The following FAM193A variants were observed in gnomAD, a reference collection of about 807,000 sequenced individuals.
FAM193A encodes family with sequence similarity 193 member A, also known as protein FAM193A.
Under a neutral mutation model 126.5 loss-of-function variants are expected in FAM193A, and 22 were observed. That is an observed-to-expected ratio of 0.17 (90% CI 0.12 to 0.25). The LOEUF (loss-of-function observed/expected upper bound fraction) is 0.25, where lower values mean the gene tolerates loss of function less well. FAM193A is among the 10% of genes least tolerant of loss of function. The probability of loss-of-function intolerance (pLI) is 1.00; values close to 1 mark genes in which losing one functional copy is unlikely to be tolerated. For synonymous variants in FAM193A, 761 were observed against 646.8 expected, an observed-to-expected ratio of 1.18 and a Z score of -2.68; for missense variants, 1,675 against 1,672.8, an observed-to-expected ratio of 1.00 and a Z score of -0.02.
chr4:2,689,646 A>G lies in FAM193A; in HGVS notation c.2472A>G (p.Ser824=), dbSNP rs777318140. 6 of 1,576,164 alleles carry G rather than the reference A, an allele frequency of 3.8e-6. No homozygotes were observed. In the South Asian group the frequency reaches 7.2e-5, roughly 19 times the overall value. Residue 824 remains serine, a synonymous_variant, in exon 14 of 21, where the codon TCA becomes TCG. Coordinates refer to ENST00000637812, the MANE Select transcript of FAM193A (RefSeq NM_001366318.2). ...CTAAATTTATAAGTCTTTGGGGATC[A>G]GAAGTGATGAATGATAAGAACTGGA... ...NSSKFISLWG[S]EVMNDKNWNP...
chr4:2,677,422 TTTTG>T (rs1360345770), intron 13 of FAM193A, among the ~76,000 whole-genome samples: 4 of 151,240 alleles, frequency 2.6e-5, no homozygotes, highest in African/African-American at 4.9e-5. Flanking sequence ...TTTTGTTTTG[TTTTG>T]TTTTTGTTTT....
chr4:2,548,227 A>G (rs773723189), intron 1 of FAM193A, among the ~76,000 whole-genome samples: 6 of 149,974 alleles, frequency 4.0e-5, no homozygotes, highest in South Asian at 2.1e-4. Context: ...GCCTTCCACC[A>G]TGCCTGACTA....
chr4:2,541,378 C>A lies in FAM193A; in HGVS notation c.255+4208C>A, dbSNP rs143505388. ...CAAAATATTTTAATACTTTTCTGAT[C>A]TTTTCTGTTCCATGTAATCTCATTA... On this transcript the variant is annotated intron_variant, in intron 1 of 20. Coordinates refer to ENST00000637812, the MANE Select transcript of FAM193A (RefSeq NM_001366318.2). 9.9e-5 allele frequency among the ~76,000 whole-genome samples: 15 copies of A among 151,720 alleles called. 1 individual carries two copies. Among genetic ancestry groups the A allele is most frequent in the Admixed American group, 9.9e-4 (15 of 15,218 alleles).
intron 20 of FAM193A, among the ~76,000 whole-genome samples, chr4:2,728,893 AAAC>A (rs1172366498): frequency 8.3e-6 from 1 of 121,002 alleles, no homozygotes; most frequent in Non-Finnish European, 1.7e-5. Context: ...TCCACCTCCA[AAAC>A]TTTTTTTTTT....
In FAM193A at chr4:2,597,036, C is replaced by A. The variant is rs976588378; in HGVS notation, c.501+707C>A. On this transcript the variant is annotated intron_variant, in intron 2 of 20. Transcript: ENST00000637812. ...TGCTCCTCTGTTTTCTCCTGCAGAACTGCCTTGGGGGAGTCCTGGTGACAA... is the reference window on the plus strand; with the variant it reads ...TGCTCCTCTGTTTTCTCCTGCAGAAATGCCTTGGGGGAGTCCTGGTGACAA... Among the ~76,000 whole-genome samples the A allele has an allele frequency of 2.0e-5, 3 of 152,170 alleles. No individual in the cohort carries two copies. The East Asian group carries it at 5.8e-4, about 29-fold the overall frequency.
rs769213059 is a variant in FAM193A at position 2,626,530 on chromosome 4, C to G, written c.756C>G (p.Asp252Glu). The G allele has an allele frequency of 1.7e-5, 12 of 702,144 alleles. No homozygotes were observed. The highest frequency in any genetic ancestry group is 2.6e-5 in the Non-Finnish European group (10 of 384,926). 43.5% of individuals were successfully genotyped at this position (702,144 alleles called of 1,614,324 possible). Reference sequence around the variant, plus strand: ...GAACCCCGCTGGCAGATGACCAGGACCAGTCTCTGGTGCCTGACAAGGAGG... The same window carrying G: ...GAACCCCGCTGGCAGATGACCAGGAGCAGTCTCTGGTGCCTGACAAGGAGG... ...QAGTPLADDQDQSLVPDKEGV... is the reference protein window; with the variant it reads ...QAGTPLADDQEQSLVPDKEGV... The change falls in exon 4 of 21, where the codon GAC becomes GAG. Residue 252 changes from aspartate (D) to glutamate (E), a missense_variant. Asp to Glu is a conservative substitution (Grantham distance 45). Transcript: ENST00000637812.
chr4:2,559,254 CCT>C (rs1738453916), intron 1 of FAM193A, among the ~76,000 whole-genome samples: 3 of 152,198 alleles, frequency 2.0e-5, no homozygotes, highest in South Asian at 2.1e-4. Context: ...CGACAGAGCC[CCT>C]GTTTATTGCC....
chr4:2,727,943 ATT>A (rs1720939008), intron 20 of FAM193A, among the ~76,000 whole-genome samples: 1 of 151,352 alleles, frequency 6.6e-6, no homozygotes, highest in Admixed American at 6.6e-5. Flanking sequence ...AAAAAAAATT[ATT>A]TTATTTATTT....
At chr4:2,639,978 G>A in intron 6 of FAM193A, 119 bp downstream of exon 6, 5 of 985,128 alleles carry the variant, frequency 5.1e-6, no homozygotes, top group East Asian at 2.6e-5. Context: ...AAAATAACAG[G>A]GCTTAAAGAA....
intron 1 of FAM193A, among the ~76,000 whole-genome samples, chr4:2,560,286 A>AT (rs1364907504): frequency 1.3e-5 from 2 of 151,912 alleles, no homozygotes; most frequent in African/African-American, 4.8e-5. Context: ...TCTTTGCCTG[A>AT]TTCGCCCCTT....
intron 19 of FAM193A, among the ~76,000 whole-genome samples, chr4:2,711,794 G>T (rs989780437): frequency 6.6e-6 from 1 of 152,032 alleles, no homozygotes; most frequent in African/African-American, 2.4e-5. Flanking sequence ...GGACGTGGTG[G>T]CACGTGCCTG....
In FAM193A at chr4:2,598,742, T is replaced by C. The variant is rs149646024; in HGVS notation, c.501+2413T>C. On this transcript the variant is annotated intron_variant, in intron 2 of 20. Coordinates refer to ENST00000637812, the MANE Select transcript of FAM193A (RefSeq NM_001366318.2). Reference sequence around the variant, plus strand: ...TGTTTCCTGTGTCCTGTTGTGCACCTGGGAGGCCAGGTCAGTGCATTTGGC... The same window carrying C: ...TGTTTCCTGTGTCCTGTTGTGCACCCGGGAGGCCAGGTCAGTGCATTTGGC... Among the ~76,000 whole-genome samples, 1,484 of 152,364 alleles carry C rather than the reference T, an allele frequency of 9.7e-3. 17 individuals are homozygous for C. The highest frequency in any genetic ancestry group is 0.015 in the Non-Finnish European group (1,032 of 68,024).
chr4:2,657,783 T>A lies in FAM193A; in HGVS notation c.1312-20T>A. The A allele has an allele frequency of 6.4e-7, 1 of 1,567,186 alleles. No individual in the cohort carries two copies. The highest frequency in any genetic ancestry group is 8.6e-7 in the Non-Finnish European group (1 of 1,158,326). On this transcript the variant is annotated intron_variant, in intron 7 of 20. Coordinates refer to ENST00000637812, the MANE Select transcript of FAM193A (RefSeq NM_001366318.2). ...ATTAAAGTTTTTCTTTTTTTTCTGT[T>A]TTTTACATCCCCTTACTAGATGACA...
chr4:2,632,448 A>G (rs548685695), intron 5 of FAM193A, among the ~76,000 whole-genome samples: 9 of 152,176 alleles, frequency 5.9e-5, no homozygotes, highest in African/African-American at 2.2e-4. Context: ...GACGCATGCT[A>G]CTCAAGAGGC....
intron 13 of FAM193A, among the ~76,000 whole-genome samples, chr4:2,688,563 G>A (rs1240467315): frequency 6.6e-6 from 1 of 152,198 alleles, no homozygotes; most frequent in Non-Finnish European, 1.5e-5. Flanking sequence ...AGCAGGAAGG[G>A]TGGAGGTGGT....
intron 2 of FAM193A, among the ~76,000 whole-genome samples, chr4:2,605,861 C>T (rs149045439): frequency 6.9e-6 from 1 of 144,194 alleles, no homozygotes; most frequent in Non-Finnish European, 1.5e-5. Flanking sequence ...ATCCCAGCTA[C>T]TGGGGAGGCT....
At position 2,700,021 on chromosome 4, in the gene FAM193A, C is replaced by T; in HGVS notation, c.3849C>T (p.His1283=). The change falls in exon 19 of 21, where the codon CAC becomes CAT. Residue 1283 remains histidine, a synonymous_variant. Transcript: ENST00000637812. ...SSHSPSRHMN[H]SEPRPGLGAD... is the part of the protein sequence containing the mutation. ...ACTCCCCATCCAGGCATATGAACCACTCAGAGCCCAGGCCAGGGCTAGGGG... is the reference window on the plus strand; with the variant it reads ...ACTCCCCATCCAGGCATATGAACCATTCAGAGCCCAGGCCAGGGCTAGGGG... 6.2e-7 allele frequency: 1 copy of T among 1,614,024 alleles called. No homozygotes were observed. Among genetic ancestry groups the T allele is most frequent in the Non-Finnish European group, 8.5e-7 (1 of 1,180,002 alleles).
At chr4:2,709,579 C>T (rs1388566567) in intron 19 of FAM193A, among the ~76,000 whole-genome samples, 1 of 152,110 alleles carries the variant, frequency 6.6e-6, no homozygotes, top group East Asian at 1.9e-4. Context: ...CGTAGTAACA[C>T]GCACCTGTAA....
chr4:2,710,851 C>CTTT lies in FAM193A; in HGVS notation c.4373-5156_4373-5154dup, dbSNP rs35045989. 4.5e-3 allele frequency among the ~76,000 whole-genome samples: 518 copies of CTTT among 116,288 alleles called. 6 individuals are homozygous for CTTT. The highest frequency in any genetic ancestry group is 7.2e-3 in the South Asian group (25 of 3,484). 76.3% of individuals were successfully genotyped at this position (116,288 alleles called of 152,430 possible). ...CGTCTTTATTTTCTTTCTGTGCTTT[C>CTTT]TTTTTTTTTTTTTTTTTTGAGACAG... is the stretch of plus-strand genomic sequence containing the variant. On this transcript the variant is annotated intron_variant, in intron 19 of 20. Transcript: ENST00000637812.
Sources: gnomAD v4.1 joint callset for allele counts (sites outside exome capture counted in the v4.1 genomes callset) on GRCh38, gnomAD v4.1.1 for gene constraint, MANE v1.5 for transcripts, NCBI Gene and HGNC (gene_info 2026-07-23, HGNC 2026-07-21) for gene names.